The following AP2S1 variants were observed in gnomAD, a reference collection of about 807,000 sequenced individuals.
The protein encoded by AP2S1 is AP-2 complex subunit sigma.
AP2S1 carries 6 observed loss-of-function variants against 21.0 expected under a neutral mutation model. The observed-to-expected ratio is 0.29, with a 90% confidence interval of 0.16 to 0.56. The LOEUF (loss-of-function observed/expected upper bound fraction) is 0.56, where lower values mean the gene tolerates loss of function less well. Ranked by LOEUF, AP2S1 falls within the 20% of genes least tolerant of loss-of-function variation. The probability of loss-of-function intolerance (pLI) is 0.92; values close to 1 mark genes in which losing one functional copy is unlikely to be tolerated. For synonymous variants in AP2S1, 63 were observed against 74.6 expected (o/e 0.84, Z 0.80); for missense variants, 60 against 186.2 (o/e 0.32, Z 3.95).
At position 46,838,232 on chromosome 19, in the gene AP2S1, G is replaced by A. The variant is rs532222672; in HGVS notation, c.*215C>T. ...GACGCTTATGGCATCACACGACAAC[G>A]GCACGGTTACTCGGGACACACACGG... On this transcript the variant is annotated 3_prime_UTR_variant, in exon 5 of 5. Transcript: ENST00000263270. This position sits in a 1 kb window ranked among gnomAD's most constrained non-coding sequence, Gnocchi z 4.1. 8 of 588,298 alleles carry A rather than the reference G, an allele frequency of 1.4e-5. No homozygotes were observed. The highest frequency in any genetic ancestry group is 6.0e-5 in the South Asian group (3 of 50,056). The allele number at this position is 588,298 out of a possible 1,614,324, so 36.4% of individuals were successfully genotyped here. A position where few individuals can be genotyped will look rare whatever the true frequency, so the allele number is the denominator to read the frequency against.
rs397514499 is a variant in AP2S1, at chr19:46,846,102, C to T, written c.44G>A (p.Arg15His). Reference protein sequence around the residue: ...ILIQNRAGKTRLAKWYMQFDD... With the variant: ...ILIQNRAGKTHLAKWYMQFDD... ...AAACTGCATGTACCACTTGGCCAGG[C>T]GCGTCTTGCCTGCCCGGTTCTGGAT... Residue 15 changes from arginine to histidine, a missense_variant, in exon 2 of 5, where the codon CGC becomes CAC. Transcript: ENST00000263270. The T allele has an allele frequency of 1.9e-6, 3 of 1,614,078 alleles. No individual in the cohort carries two copies. The highest frequency in any genetic ancestry group is 2.5e-6 in the Non-Finnish European group (3 of 1,180,014).
At chr19:46,840,367 CAAAAAA>C (rs60907407) in intron 2 of AP2S1, among the ~76,000 whole-genome samples, 7 of 100,468 alleles carry the variant, frequency 7.0e-5, no homozygotes, top group South Asian at 3.3e-4. Flanking sequence ...AGGTTCATTA[CAAAAAA>C]AAAAAAAAAA....
At chr19:46,848,772 G>A (rs1218044212) in intron 1 of AP2S1, among the ~76,000 whole-genome samples, 1 of 152,128 alleles carries the variant, frequency 6.6e-6, no homozygotes, top group Non-Finnish European at 1.5e-5. Context: ...GGAGTGCAGT[G>A]GCACTGTCTC....
intron 1 of AP2S1, among the ~76,000 whole-genome samples, chr19:46,848,244 G>A (rs574405608): frequency 6.6e-6 from 1 of 152,022 alleles, no homozygotes. Flanking sequence ...TGGGGGGCAG[G>A]GGGGAGGCGG....
chr19:46,839,765 A>T, intron 2 of AP2S1, 187 bp from the exon 3 acceptor site: 2 of 960,492 alleles, frequency 2.1e-6, no homozygotes, highest in Non-Finnish European at 1.5e-6. Flanking sequence ...CAGCGGGGGC[A>T]GGCATCCCCA....
At chr19:46,845,161 C>G (rs758648293) in intron 2 of AP2S1, among the ~76,000 whole-genome samples, 65 of 148,926 alleles carry the variant, frequency 4.4e-4, no homozygotes, top group Non-Finnish European at 8.1e-4. Flanking sequence ...GTAATCCCAG[C>G]ACTTTGGAAG....
intron 2 of AP2S1, among the ~76,000 whole-genome samples, chr19:46,844,718 T>C (rs1173812640): frequency 2.6e-5 from 4 of 152,132 alleles, no homozygotes; most frequent in Non-Finnish European, 5.9e-5. Flanking sequence ...GAGGGTAGCT[T>C]GAACATAGGA....
intron 3 of AP2S1, among the ~76,000 whole-genome samples, 147 bp downstream of exon 3, chr19:46,839,312 AAAAAAG>A (rs1568444111): frequency 6.9e-6 from 1 of 144,152 alleles, no homozygotes; most frequent in African/African-American, 2.8e-5. Context: ...AAAAAAAAAA[AAAAAAG>A]AAAAAGAAAA....
intron 2 of AP2S1, among the ~76,000 whole-genome samples, chr19:46,842,282 C>T (rs1490316902): frequency 6.6e-6 from 1 of 152,122 alleles, no homozygotes; most frequent in African/African-American, 2.4e-5. Context: ...GCCCTCCAGA[C>T]CCCCAGGCTG....
At chr19:46,848,337 ACCATTGCTCT>A (rs1359201493) in intron 1 of AP2S1, among the ~76,000 whole-genome samples, 1 of 152,094 alleles carries the variant, frequency 6.6e-6, no homozygotes, top group Non-Finnish European at 1.5e-5. Flanking sequence ...CTGACATTGC[ACCATTGCTCT>A]CCAGCCTGGG....
intron 2 of AP2S1, among the ~76,000 whole-genome samples, chr19:46,842,968 T>C (rs768740111): frequency 5.3e-5 from 8 of 152,008 alleles, no homozygotes; most frequent in Non-Finnish European, 1.0e-4. Flanking sequence ...TACCCAGCTC[T>C]CTCCAAGAAC....
intron 2 of AP2S1, among the ~76,000 whole-genome samples, chr19:46,843,519 C>T (rs541164787): frequency 2.4e-4 from 36 of 152,160 alleles, no homozygotes; most frequent in African/African-American, 8.7e-4. Context: ...CTCAGGAGTT[C>T]GAGACCAGCC....
Position 46,838,180 on chromosome 19 carries a change from A to G in AP2S1, c.*267T>C, listed in dbSNP as rs1281755642. The G allele has an allele frequency of 1.0e-5, 5 of 491,712 alleles. No homozygotes were observed. The Admixed American group carries it at 1.7e-4, about 16-fold the overall frequency. 30.5% of individuals were successfully genotyped at this position (491,712 alleles called of 1,614,324 possible). ...AAAGACGGCAAGGCCAGGCAGGACC[A>G]CAGGTTTATTGGGGACTCCACGCAC... On this transcript the variant is annotated 3_prime_UTR_variant, in exon 5 of 5. Transcript: ENST00000263270. The surrounding 1 kb of genome is among the most constrained non-coding windows in gnomAD (Gnocchi z 4.1).
rs780320260 is a variant in AP2S1, at chr19:46,838,695, C to T, written c.327+45G>A. 3 of 1,605,886 alleles carry T rather than the reference C, an allele frequency of 1.9e-6. No individual in the cohort carries two copies. The highest frequency in any genetic ancestry group is 4.5e-5 in the East Asian group (2 of 44,826). On this transcript the variant is annotated intron_variant, in intron 4 of 4. Transcript: ENST00000263270. The surrounding 1 kb of genome is among the most constrained non-coding windows in gnomAD (Gnocchi z 4.1). ...CTAGTGCACCACGGGTCCCCCCCGT[C>T]CCCCTCCTCTGGCTCCTTCAGCCTC... is the stretch of plus-strand genomic sequence containing the variant.
intron 1 of AP2S1, among the ~76,000 whole-genome samples, chr19:46,848,296 C>T (rs887514807): frequency 6.6e-6 from 1 of 152,164 alleles, no homozygotes; most frequent in African/African-American, 2.4e-5. Flanking sequence ...ATGAGAATCA[C>T]TTGAACCCAG....
chr19:46,842,608 CT>C (rs2055542969), intron 2 of AP2S1, among the ~76,000 whole-genome samples: 1 of 152,174 alleles, frequency 6.6e-6, no homozygotes, highest in African/African-American at 2.4e-5. Flanking sequence ...CCGGCTGCCC[CT>C]GTATCATTGG....
At chr19:46,849,066 C>G (rs1452860855) in intron 1 of AP2S1, among the ~76,000 whole-genome samples, 27 of 131,678 alleles carry the variant, frequency 2.1e-4, no homozygotes, top group Non-Finnish European at 4.2e-4. Flanking sequence ...AGGCCAGTGG[C>G]ACAATCTCGG....
In AP2S1 at chr19:46,838,260, G is replaced by A. The variant is rs2055446441; in HGVS notation, c.*187C>T. On this transcript the variant is annotated 3_prime_UTR_variant, in exon 5 of 5. Transcript: ENST00000263270. The surrounding 1 kb of genome is among the most constrained non-coding windows in gnomAD (Gnocchi z 4.1). ...ACGGTTACTCGGGACACACACGGTGGCCTCTGCCCACAGCCAGGGCCCAGA... is the reference window on the plus strand; with the variant it reads ...ACGGTTACTCGGGACACACACGGTGACCTCTGCCCACAGCCAGGGCCCAGA... 1 of 606,064 alleles carries A rather than the reference G, an allele frequency of 1.6e-6. No homozygotes were observed. Among genetic ancestry groups the A allele is most frequent in the East Asian group, 2.8e-5 (1 of 36,172 alleles). 37.5% of individuals were successfully genotyped at this position (606,064 alleles called of 1,614,324 possible).
intron 2 of AP2S1, among the ~76,000 whole-genome samples, chr19:46,841,220 C>G (rs890125165): frequency 6.6e-6 from 1 of 152,196 alleles, no homozygotes; most frequent in East Asian, 1.9e-4. Context: ...TCCCAAAGTG[C>G]TGGGATTACA....
Sources: allele counts gnomAD v4.1 joint callset (sites outside exome capture counted in the v4.1 genomes callset), GRCh38; gene constraint gnomAD v4.1.1; non-coding constraint Gnocchi (gnomAD v3.1); transcripts MANE v1.5; gene names NCBI Gene and HGNC (gene_info 2026-07-23, HGNC 2026-07-21).